The following DNAH3 variants were observed in gnomAD, a reference collection of about 807,000 sequenced individuals.
DNAH3 encodes the protein dynein axonemal heavy chain 3.
In DNAH3, 332 loss-of-function variants were observed where a neutral mutation model predicts 432.5. The ratio of observed to expected loss-of-function variants is 0.77; its 90% CI spans 0.70 to 0.84. DNAH3 has a LOEUF of 0.84. DNAH3 is among the 40% of genes least tolerant of loss of function. The pLI, the probability that DNAH3 is intolerant of heterozygous loss-of-function variation, is 0.00. For synonymous variants in DNAH3, 1,956 were observed against 1,900.2 expected, an observed-to-expected ratio of 1.03 and a Z score of -0.76; for missense variants, 4,861 against 5,114.0, an observed-to-expected ratio of 0.95 and a Z score of 1.51.
intron 42 of DNAH3, 114 bp from the exon 43 acceptor site, chr16:21,000,632 C>T: frequency 1.1e-6 from 1 of 947,826 alleles, no homozygotes; most frequent in Non-Finnish European, 1.6e-6. Context: ...TCTTTATGAC[C>T]TTAGGCGAGT....
chr16:21,090,068 AT>A (rs147372472), intron 18 of DNAH3, among the ~76,000 whole-genome samples: 7,805 of 151,356 alleles, frequency 0.052, 283 homozygotes, highest in East Asian at 0.18. Flanking sequence ...AAATTAGACC[AT>A]TTTTTTTTAA....
exon 7 of DNAH3, chr16:21,134,442 A>G (rs1234832639): frequency 2.5e-6 from 4 of 1,613,990 alleles, no homozygotes; most frequent in Non-Finnish European, 2.5e-6. Flanking sequence ...TGGGTCCATG[A>G]GGATGTAATC....
intron 1 of DNAH3, 120 bp downstream of exon 2, chr16:21,150,170 A>G: frequency 2.6e-6 from 1 of 379,826 alleles, no homozygotes; most frequent in South Asian, 2.0e-5. Context: ...GGTTGCAGTG[A>G]GCCGAGATCA....
intron 11 of DNAH3, among the ~76,000 whole-genome samples, chr16:21,117,583 TC>T (rs1194956048): frequency 1.3e-5 from 2 of 152,048 alleles, no homozygotes; most frequent in Non-Finnish European, 2.9e-5. Context: ...CCTTTGAGAG[TC>T]CCCCTTGTCC....
chr16:20,965,022 C>G, exon 53 of DNAH3: 2 of 1,614,168 alleles, frequency 1.2e-6, no homozygotes, highest in Non-Finnish European at 1.7e-6. Flanking sequence ...CAATGTTTTC[C>G]TCCAAGTCCT....
chr16:21,103,701 G>A (rs73544600), intron 16 of DNAH3, among the ~76,000 whole-genome samples: 1 of 152,118 alleles, frequency 6.6e-6, no homozygotes, highest in Admixed American at 6.5e-5. Flanking sequence ...GTCCTTTCTT[G>A]TAAGTATTTG....
At position 21,142,098 on chromosome 16, in the gene DNAH3, G is replaced by A. The variant is rs143224380; in HGVS notation, c.449-726C>T. On this transcript the variant is annotated intron_variant, in intron 3 of 61. Coordinates refer to ENST00000261383, the Ensembl canonical transcript of DNAH3. The stretch of plus-strand genomic sequence containing the variant: ...AAAAATAAAATAGGCCGGACACGGT[G>A]GCTCATGCCTGTAATCCCAGCACTT... Among the ~76,000 whole-genome samples, 785 of 151,962 alleles carry A rather than the reference G, an allele frequency of 5.2e-3. 6 individuals carry two copies. Among genetic ancestry groups the A allele is most frequent in the African/African-American group, 0.018 (755 of 41,422 alleles).
intron 32 of DNAH3, among the ~76,000 whole-genome samples, chr16:21,041,429 T>G (rs2089437523): frequency 6.6e-6 from 1 of 152,146 alleles, no homozygotes; most frequent in African/African-American, 2.4e-5. Flanking sequence ...CACTGGCCTA[T>G]GTTGACCTAG....
chr16:21,143,347 T>TA (rs938810355), intron 3 of DNAH3, among the ~76,000 whole-genome samples: 14 of 152,038 alleles, frequency 9.2e-5, no homozygotes, highest in South Asian at 2.1e-4. Context: ...TGTGCCTTTA[T>TA]AAAAAAAACA....
intron 6 of DNAH3, 139 bp downstream of exon 7, chr16:21,136,181 AGGAG>A (rs1430739216): frequency 6.8e-6 from 5 of 739,444 alleles, no homozygotes; most frequent in African/African-American, 1.8e-5. Flanking sequence ...TGGGAGGCTA[AGGAG>A]GGAGGATTGC....
rs2092090113 is a variant in DNAH3 at position 21,112,115 on chromosome 16, T to G, written c.1815-17A>C. 6.4e-7 allele frequency: 1 copy of G among 1,552,828 alleles called. No homozygotes were observed. Among genetic ancestry groups the G allele is most frequent in the Admixed American group, 1.7e-5 (1 of 58,406 alleles). ...TTTAAATATCTTCCATATTGAAGGG[T>G]GTGAAATCAAACACACAAATATAAG... is the stretch of plus-strand genomic sequence containing the variant. On this transcript the variant is annotated splice_polypyrimidine_tract_variant and intron_variant, in intron 12 of 61. Coordinates refer to ENST00000261383, the Ensembl canonical transcript of DNAH3.
chr16:21,060,825 CTTCTTTTTTTT>C (rs1452350955), intron 25 of DNAH3, among the ~76,000 whole-genome samples: 1 of 119,204 alleles, frequency 8.4e-6, no homozygotes, highest in Non-Finnish European at 1.7e-5. Context: ...CGCCTGGTCT[CTTCTTTTTTTT>C]TTTTTTTTTT....
At chr16:20,982,642 AAAC>A (rs753059323) in intron 49 of DNAH3, 76 bp downstream of exon 49, 322 of 1,275,938 alleles carry the variant, frequency 2.5e-4, no homozygotes, top group Middle Eastern at 4.0e-4. Flanking sequence ...GAAATCTTCA[AAAC>A]AACAACAAAA....
At chr16:21,048,166 G>C (rs924889659) in intron 31 of DNAH3, among the ~76,000 whole-genome samples, 1 of 152,272 alleles carries the variant, frequency 6.6e-6, no homozygotes, top group South Asian at 2.1e-4. Context: ...GGAGCCTGCA[G>C]AGGCAGGCAG....
Position 21,106,694 on chromosome 16 carries a change from A to G in DNAH3, c.2100-20T>C. ...CAAATGCTACAGAAAAGAAACAGCC[A>G]TTGTTATCATCATCATCATCACCAT... is the stretch of plus-strand genomic sequence containing the variant. On this transcript the variant is annotated intron_variant, in intron 14 of 61. Coordinates refer to ENST00000261383, the Ensembl canonical transcript of DNAH3. 6.9e-7 allele frequency: 1 copy of G among 1,455,864 alleles called. No individual in the cohort carries two copies. The highest frequency in any genetic ancestry group is 9.2e-7 in the Non-Finnish European group (1 of 1,082,930). 90.2% of individuals were successfully genotyped at this position (1,455,864 alleles called of 1,614,324 possible). A position where few individuals can be genotyped will look rare whatever the true frequency, so the allele number is the denominator to read the frequency against.
At chr16:21,151,489 G>A (rs1392855013) in intron 1 of DNAH3, among the ~76,000 whole-genome samples, 1 of 151,912 alleles carries the variant, frequency 6.6e-6, no homozygotes, top group Non-Finnish European at 1.5e-5. Context: ...GTAGAGACGG[G>A]GTTTCACCGT....
intron 27 of DNAH3, among the ~76,000 whole-genome samples, chr16:21,056,003 A>G (rs1394074106): frequency 1.3e-5 from 2 of 151,876 alleles, no homozygotes; most frequent in African/African-American, 4.8e-5. Flanking sequence ...CTCCCAAACT[A>G]TTGGGATTAC....
intron 44 of DNAH3, among the ~76,000 whole-genome samples, chr16:20,989,442 G>C (rs1162825060): frequency 6.6e-6 from 1 of 151,986 alleles, no homozygotes; most frequent in Non-Finnish European, 1.5e-5. Flanking sequence ...CACCAGAGCA[G>C]CTAGATACAG....
At chr16:21,114,571 A>G (rs2092143614) in intron 12 of DNAH3, among the ~76,000 whole-genome samples, 1 of 152,202 alleles carries the variant, frequency 6.6e-6, no homozygotes, top group Admixed American at 6.5e-5. Flanking sequence ...ACCCCATCAA[A>G]AAGTGGGCGA....
Sources: gnomAD v4.1 joint callset for allele counts (sites outside exome capture counted in the v4.1 genomes callset) on GRCh38, gnomAD v4.1.1 for gene constraint, MANE v1.5 for transcripts, NCBI Gene and HGNC (gene_info 2026-07-23, HGNC 2026-07-21) for gene names.